Variants in NXN observed in about 807,000 individuals in gnomAD.
NXN encodes nucleoredoxin 1.
Under a neutral mutation model 48.6 loss-of-function variants are expected in NXN, and 16 were observed. The observed-to-expected ratio is 0.33, with a 90% CI of 0.22 to 0.50. NXN has a LOEUF of 0.50. NXN is among the 20% of genes least tolerant of loss of function. The probability of loss-of-function intolerance (pLI) is 0.98; values close to 1 mark genes in which losing one functional copy is unlikely to be tolerated. For synonymous variants in NXN, 281 were observed against 269.6 expected (o/e 1.04, Z -0.41); for missense variants, 492 against 605.5 (o/e 0.81, Z 1.97).
rs1333039798 is a variant in NXN, at chr17:954,106, C to T, written c.360+25213G>A. Among the ~76,000 whole-genome samples, 168 of 152,122 alleles carry T rather than the reference C, an allele frequency of 1.1e-3. 4 individuals carry two copies. The highest frequency in any genetic ancestry group is 5.9e-5 in the Non-Finnish European group (4 of 67,986). On this transcript the variant is annotated intron_variant, in intron 1 of 7. Transcript: ENST00000336868. The stretch of plus-strand genomic sequence containing the variant: ...ACGATTCTCACTCCTGGCCAGGCGC[C>T]GTGGCTCATGCCTGTCATCCAAGCA...
rs532763932 is a variant in NXN at position 847,719 on chromosome 17, C to T, written c.361-21641G>A. On this transcript the variant is annotated intron_variant, in intron 1 of 7. Transcript: ENST00000336868. ...ACCAGCTCCTGAAATGAAAGGGTTC[C>T]GTCACACAATGAAATAAGTAACAGC... 3.4e-4 allele frequency among the ~76,000 whole-genome samples: 51 copies of T among 152,140 alleles called. 2 individuals are homozygous for T. In the South Asian group the frequency reaches 0.01, roughly 30 times the overall value.
chr17:826,333 C>T (rs539747927), intron 1 of NXN, among the ~76,000 whole-genome samples: 1 of 152,236 alleles, frequency 6.6e-6, no homozygotes, highest in East Asian at 1.9e-4. Context: ...GGGTCTGCGA[C>T]AGTGTGGGGG....
intron 1 of NXN, chr17:910,803 T>C (rs1418254396): frequency 6.6e-6 from 1 of 152,176 alleles, no homozygotes; most frequent in Non-Finnish European, 1.5e-5. Flanking sequence ...ACAGTGAAGA[T>C]GGAAGCACAC....
chr17:895,679 G>A lies in NXN; in HGVS notation c.361-69601C>T, dbSNP rs534189515. Among the ~76,000 whole-genome samples the A allele has an allele frequency of 6.0e-4, 90 of 150,984 alleles. No homozygotes were observed. In the East Asian group the frequency reaches 9.3e-3, roughly 16 times the overall value. Reference sequence around the variant, plus strand: ...TACAAAAAAAAAAAATTAGCCAGGCGTGGTGGTGGGCACCTGTAGTCCCAG... The same window carrying A: ...TACAAAAAAAAAAAATTAGCCAGGCATGGTGGTGGGCACCTGTAGTCCCAG... On this transcript the variant is annotated intron_variant, in intron 1 of 7. Coordinates refer to ENST00000336868, the MANE Select transcript of NXN (RefSeq NM_022463.5).
chr17:865,750 G>GGC (rs2068089378), intron 1 of NXN, among the ~76,000 whole-genome samples: 1 of 151,514 alleles, frequency 6.6e-6, no homozygotes, highest in African/African-American at 2.4e-5. Flanking sequence ...TTGGGAGGCC[G>GGC]AGGTGGGCAG....
chr17:954,023 G>A (rs925447651), intron 1 of NXN, among the ~76,000 whole-genome samples: 1 of 152,166 alleles, frequency 6.6e-6, no homozygotes, highest in African/African-American at 2.4e-5. Context: ...ACCTATGCTG[G>A]GTTTCACAAA....
chr17:841,144 G>A (rs33985999), intron 1 of NXN, among the ~76,000 whole-genome samples: 7,390 of 152,252 alleles, frequency 0.049, 300 homozygotes, highest in East Asian at 0.24. Flanking sequence ...TGGATAGATC[G>A]TAGGCACGAA....
At chr17:843,485 T>G (rs1483348759) in intron 1 of NXN, among the ~76,000 whole-genome samples, 2 of 152,194 alleles carry the variant, frequency 1.3e-5, no homozygotes, top group Non-Finnish European at 2.9e-5. Context: ...AAGCCCCATC[T>G]GGTATGAAAG....
In NXN at chr17:850,032, T is replaced by C. The variant is rs186223996; in HGVS notation, c.361-23954A>G. 3.8e-3 allele frequency among the ~76,000 whole-genome samples: 574 copies of C among 152,190 alleles called. 3 individuals are homozygous for C. The highest frequency in any genetic ancestry group is 0.013 in the African/African-American group (540 of 41,514). On this transcript the variant is annotated intron_variant, in intron 1 of 7. Coordinates refer to ENST00000336868, the MANE Select transcript of NXN (RefSeq NM_022463.5). ...AAGGACTGTGTTCGGAGAGTCTAAC[T>C]CAATCCACCTAAGGCAGCTGGAGTC...
intron 1 of NXN, among the ~76,000 whole-genome samples, chr17:926,395 C>G (rs1162484082): frequency 6.6e-6 from 1 of 152,130 alleles, no homozygotes; most frequent in Non-Finnish European, 1.5e-5. Context: ...TCATGTTACC[C>G]AGGCAGGTCT....
intron 1 of NXN, among the ~76,000 whole-genome samples, chr17:928,712 T>C (rs1363476206): frequency 6.6e-6 from 1 of 152,104 alleles, no homozygotes; most frequent in African/African-American, 2.4e-5. Flanking sequence ...GGTGGGCACC[T>C]GTAATCCCAG....
At chr17:933,623 G>T (rs1567507827) in intron 1 of NXN, among the ~76,000 whole-genome samples, 1 of 151,764 alleles carries the variant, frequency 6.6e-6, no homozygotes, top group Non-Finnish European at 1.5e-5. Context: ...AACACCAAAT[G>T]ACTCACACAG....
chr17:818,472 C>T (rs1232183692), intron 5 of NXN, among the ~76,000 whole-genome samples: 1 of 152,136 alleles, frequency 6.6e-6, no homozygotes, highest in Non-Finnish European at 1.5e-5. Context: ...GAAACTGAGG[C>T]CCAAAGACTC....
At chr17:863,984 T>C (rs1183848236) in intron 1 of NXN, 8 of 1,535,268 alleles carry the variant, frequency 5.2e-6, no homozygotes, top group Non-Finnish European at 7.0e-6. Flanking sequence ...ACGTTAACCA[T>C]TGCTCAGTTT....
rs143906491 is a variant in NXN, at chr17:932,019, C to T, written c.360+47300G>A. Reference sequence around the variant, plus strand: ...ATTAGCCAGGTGTGGTGGTGGGTGCCTATAATCCCAGCTAATGGGGAGGCT... The same window carrying T: ...ATTAGCCAGGTGTGGTGGTGGGTGCTTATAATCCCAGCTAATGGGGAGGCT... On this transcript the variant is annotated intron_variant, in intron 1 of 7. Transcript: ENST00000336868. This position sits in a 1 kb window ranked among gnomAD's most constrained non-coding sequence, Gnocchi z 4.1. 1.9e-3 allele frequency among the ~76,000 whole-genome samples: 287 copies of T among 148,692 alleles called. 3 individuals carry two copies. The East Asian group carries it at 0.026, about 13-fold the overall frequency.
chr17:879,468 G>T (rs113837518), intron 1 of NXN, among the ~76,000 whole-genome samples: 18,304 of 151,686 alleles, frequency 0.12, 1,387 homozygotes, highest in Non-Finnish European at 0.17. Context: ...TGAATTTTTA[G>T]TAGAGACGGG....
At chr17:810,680 A>G (rs1218112871) in intron 5 of NXN, among the ~76,000 whole-genome samples, 1 of 152,202 alleles carries the variant, frequency 6.6e-6, no homozygotes, top group Admixed American at 6.5e-5. Context: ...CCCTGAGGTC[A>G]GGAGGTGGAG....
intron 1 of NXN, chr17:909,802 T>C (rs1200930234): frequency 2.0e-5 from 3 of 151,552 alleles, no homozygotes; most frequent in African/African-American, 7.3e-5. Context: ...CCTCCCACAG[T>C]GCTGGGATGA....
chr17:805,421 C>A (rs1911440551), intron 5 of NXN, among the ~76,000 whole-genome samples, 174 bp from the exon 6 acceptor site: 2 of 152,104 alleles, frequency 1.3e-5, no homozygotes, highest in Non-Finnish European at 2.9e-5. Flanking sequence ...TGGGGAGAAT[C>A]CAGGCCTGGC....
Sources: gnomAD v4.1 joint callset for allele counts (sites outside exome capture counted in the v4.1 genomes callset) on GRCh38, gnomAD v4.1.1 for gene constraint, Gnocchi (gnomAD v3.1) non-coding constraint, MANE v1.5 for transcripts, NCBI Gene and HGNC (gene_info 2026-07-23, HGNC 2026-07-21) for gene names.